The following C18orf54 variants were observed in gnomAD, a reference collection of about 807,000 sequenced individuals.
C18orf54 encodes the protein chromosome 18 open reading frame 54.
Under a neutral mutation model 49.3 loss-of-function variants are expected in C18orf54, and 49 were observed. That is an observed-to-expected ratio of 0.99 (90% CI 0.79 to 1.26). The LOEUF (loss-of-function observed/expected upper bound fraction) is 1.26. C18orf54 is among the 50% of genes most tolerant of loss of function. C18orf54 has a pLI of 0.00. For missense variants in C18orf54, 687 were observed against 620.6 expected (o/e 1.11, Z -1.14); for synonymous variants, 211 against 216.6 (o/e 0.97, Z 0.23).
chr18:54,368,868 A>C (rs2089435962), intron 6 of C18orf54, among the ~76,000 whole-genome samples: 1 of 152,154 alleles, frequency 6.6e-6, no homozygotes, highest in Non-Finnish European at 1.5e-5. Context: ...CAGATTCACT[A>C]ATTTATTTTA....
At position 54,362,002 on chromosome 18, in the gene C18orf54, T is replaced by C. The variant is rs1309506011; in HGVS notation, c.643T>C (p.Ser215Pro). ...TAGGACTAATAATTGCATTTCTGAA[T>C]CATCTTTGTCTTTTCCCAAGAAATC... The part of the protein sequence containing the change: ...MNRTNNCISE[S>P]SLSFPKKSSF... Residue 215 changes from serine to proline, a missense_variant, in exon 4 of 9, where the codon TCA (serine) becomes CCA (proline). By Grantham distance (74) the Ser-to-Pro change is moderately conservative. Coordinates refer to ENST00000620105, the MANE Select transcript of C18orf54 (RefSeq NM_001288980.2). 1 of 1,610,172 alleles carries C rather than the reference T, an allele frequency of 6.2e-7. No homozygotes were observed. The highest frequency in any genetic ancestry group is 8.5e-7 in the Non-Finnish European group (1 of 1,178,098).
intron 3 of C18orf54, 113 bp downstream of exon 3, chr18:54,360,968 C>A: frequency 2.0e-6 from 2 of 1,015,644 alleles, no homozygotes; most frequent in Admixed American, 4.8e-5. Context: ...GTAAAAATAA[C>A]ATAATATTGA....
Position 54,362,286 on chromosome 18 carries a change from T to G in C18orf54, c.927T>G (p.Phe309Leu). ...TSRLINKLDCFEYAFEPSNFS... is the reference protein window; with the variant it reads ...TSRLINKLDCLEYAFEPSNFS... The stretch of plus-strand genomic sequence containing the variant: ...GGCTTATCAATAAATTAGATTGTTT[T>G]GAATATGCTTTTGAACCCTCAAACT... Residue 309 changes from phenylalanine (F) to leucine (L), a missense_variant, in exon 4 of 9, where the codon TTT becomes TTG. Physicochemically the swap from Phe to Leu is conservative, Grantham distance 22 (BLOSUM62 0). Coordinates refer to ENST00000620105, the MANE Select transcript of C18orf54 (RefSeq NM_001288980.2). 6.5e-7 allele frequency: 1 copy of G among 1,536,370 alleles called. No individual in the cohort carries two copies. Among genetic ancestry groups the G allele is most frequent in the Non-Finnish European group, 8.7e-7 (1 of 1,146,930 alleles).
Position 54,360,869 on chromosome 18 carries a change from C to G in C18orf54, c.283+14C>G, listed in dbSNP as rs899524271. ...AACCAAACAATGGTATGCTTTTATT[C>G]TTTGTTTTCTTTGTGTTCAGATGTT... is the stretch of plus-strand genomic sequence containing the variant. On this transcript the variant is annotated intron_variant, in intron 3 of 8. Coordinates refer to ENST00000620105, the MANE Select transcript of C18orf54 (RefSeq NM_001288980.2). 3 of 1,594,042 alleles carry G rather than the reference C, an allele frequency of 1.9e-6. No individual in the cohort carries two copies. Among genetic ancestry groups the G allele is most frequent in the African/African-American group, 1.3e-5 (1 of 74,382 alleles).
chr18:54,365,738 A>C lies in C18orf54; in HGVS notation c.1243A>C (p.Asn415His). ...PVTFKSPVPV[N>H]SDDSPQQTSR... is the part of the protein sequence containing the mutation. ...GTTTAGCAAATCTCCTGTTCCCGTTAACTCTGATGATAGTCCTCAACAAAC... is the reference window on the plus strand; with the variant it reads ...GTTTAGCAAATCTCCTGTTCCCGTTCACTCTGATGATAGTCCTCAACAAAC... The change falls in exon 6 of 9, where the codon AAC (asparagine) becomes CAC (histidine). Residue 415 changes from asparagine (N) to histidine (H), a missense_variant. Physicochemically the swap from Asn to His is moderately conservative, Grantham distance 68. Transcript: ENST00000620105. The C allele has an allele frequency of 6.3e-7, 1 of 1,595,376 alleles. No homozygotes were observed. Among genetic ancestry groups the C allele is most frequent in the South Asian group, 1.1e-5 (1 of 87,980 alleles).
In C18orf54 at chr18:54,375,204, A is replaced by G. The variant is rs115368863; in HGVS notation, c.1529+920A>G. On this transcript the variant is annotated intron_variant, in intron 8 of 8. Coordinates refer to ENST00000620105, the MANE Select transcript of C18orf54 (RefSeq NM_001288980.2). ...TAGTAATAGCTAACATTGAATGTTT[A>G]CCAAATTTCAGTATTCTAAGTGCTA... is the stretch of plus-strand genomic sequence containing the variant. Among the ~76,000 whole-genome samples the G allele has an allele frequency of 6.8e-3, 1,034 of 152,018 alleles. 4 individuals are homozygous for G. Among genetic ancestry groups the G allele is most frequent in the African/African-American group, 0.024 (987 of 41,496 alleles).
At position 54,378,224 on chromosome 18, in the gene C18orf54, G is replaced by GAC; in HGVS notation, c.1581_1582insCA (p.Glu528GlnfsTer33). On this transcript the variant is annotated frameshift_variant, in exon 9 of 9. Transcript: ENST00000620105. LOFTEE classifies it high-confidence loss of function. ...AGAGACCTGGTTGATGATACGAATG[G>GAC]AGAACGGTCACCGAAAATGTGAAGA... 6.2e-7 allele frequency: 1 copy of GAC among 1,613,528 alleles called. No individual in the cohort carries two copies.
intron 3 of C18orf54, among the ~76,000 whole-genome samples, 162 bp downstream of exon 3, chr18:54,361,017 G>A (rs910092199): frequency 2.0e-5 from 3 of 152,160 alleles, no homozygotes; most frequent in African/African-American, 7.2e-5. Flanking sequence ...ATAATTCTCT[G>A]TGGAACAGTA....
Position 54,379,851 on chromosome 18 carries a change from G to C in C18orf54, c.*1605G>C, listed in dbSNP as rs1356758143. 6.6e-6 allele frequency: 1 copy of C among 151,862 alleles called. No individual in the cohort carries two copies. The highest frequency in any genetic ancestry group is 1.5e-5 in the Non-Finnish European group (1 of 67,870). The allele number at this position is 151,862 out of a possible 1,614,324, so 9.4% of individuals were successfully genotyped here. A position where few individuals can be genotyped will look rare whatever the true frequency, so the allele number is the denominator to read the frequency against. On this transcript the variant is annotated 3_prime_UTR_variant, in exon 9 of 9. Transcript: ENST00000620105. ...AACTTCTAATTGAATATTATATGTT[G>C]ATCATACATAATATATACTATGCCT...
At chr18:54,374,744 TA>T (rs2089542656) in intron 8 of C18orf54, among the ~76,000 whole-genome samples, 1 of 151,878 alleles carries the variant, frequency 6.6e-6, no homozygotes, top group Admixed American at 6.6e-5. Flanking sequence ...TCTTAAATAA[TA>T]AAATGGAGAA....
In C18orf54 at chr18:54,362,387, G is replaced by T; in HGVS notation, c.1028G>T (p.Cys343Phe). Residue 343 changes from cysteine (C) to phenylalanine (F), a missense_variant, in exon 4 of 9, where the codon TGT (cysteine) becomes TTT (phenylalanine). Transcript: ENST00000620105. ...GATTTTGAACATAGCCAGTGTCAAT[G>T]TGAGAATCCACTTCTCCCAGGACAA... Reference protein sequence around the residue: ...KCDFEHSQCQCENPLLPGQST... With the variant: ...KCDFEHSQCQFENPLLPGQST... The T allele has an allele frequency of 1.3e-6, 2 of 1,533,170 alleles. No homozygotes were observed. The highest frequency in any genetic ancestry group is 1.7e-6 in the Non-Finnish European group (2 of 1,145,074). The allele number at this position is 1,533,170 out of a possible 1,614,324, so 95.0% of individuals were successfully genotyped here.
chr18:54,363,697 T>G (rs1166459836), intron 5 of C18orf54, among the ~76,000 whole-genome samples: 1 of 152,196 alleles, frequency 6.6e-6, no homozygotes, highest in African/African-American at 2.4e-5. Flanking sequence ...CATTTTCTAT[T>G]ATCAGAAATG....
intron 6 of C18orf54, among the ~76,000 whole-genome samples, chr18:54,371,229 G>A (rs148151573): frequency 6.6e-6 from 1 of 152,040 alleles, no homozygotes; most frequent in African/African-American, 2.4e-5. Flanking sequence ...CCTCGTGTAA[G>A]AAGAATCATA....
chr18:54,370,595 A>G (rs1406220523), intron 6 of C18orf54, among the ~76,000 whole-genome samples: 2 of 152,228 alleles, frequency 1.3e-5, no homozygotes, highest in Non-Finnish European at 2.9e-5. Context: ...TCAAAGATAT[A>G]CAGAGATGTA....
At chr18:54,375,141 A>G (rs918541562) in intron 8 of C18orf54, among the ~76,000 whole-genome samples, 3 of 152,020 alleles carry the variant, frequency 2.0e-5, no homozygotes, top group Non-Finnish European at 4.4e-5. Flanking sequence ...GTACTGGGGT[A>G]TAATGTTTCA....
chr18:54,370,192 A>G (rs8088269), intron 6 of C18orf54, among the ~76,000 whole-genome samples: 112,456 of 150,888 alleles, frequency 0.75, 42,298 homozygotes, highest in African/African-American at 0.86. Context: ...CAGGAGAATG[A>G]TGTGAACCCA....
At position 54,372,956 on chromosome 18, in the gene C18orf54, A is replaced by G. The variant is rs185723181; in HGVS notation, c.1458+359A>G. ...TAGTTATATTCGAGGAGGCCTAGAA[A>G]ACTTTTTCAACATTAGATTCCTTCA... On this transcript the variant is annotated intron_variant, in intron 7 of 8. Coordinates refer to ENST00000620105, the MANE Select transcript of C18orf54 (RefSeq NM_001288980.2). Among the ~76,000 whole-genome samples, 173 of 152,030 alleles carry G rather than the reference A, an allele frequency of 1.1e-3. 4 individuals are homozygous for G. In the South Asian group the frequency reaches 0.03, roughly 27 times the overall value.
At position 54,380,020 on chromosome 18, in the gene C18orf54, T is replaced by C. The variant is rs940045863; in HGVS notation, c.*1774T>C. On this transcript the variant is annotated 3_prime_UTR_variant, in exon 9 of 9. Transcript: ENST00000620105. ...GATTATACTTACCAAAGGAACATTG[T>C]TTGTTTTCTCTTGTTTTAAATATGG... 1.3e-5 allele frequency: 2 copies of C among 151,402 alleles called. No homozygotes were observed. The highest frequency in any genetic ancestry group is 1.3e-4 in the Admixed American group (2 of 15,234). 9.4% of individuals were successfully genotyped at this position (151,402 alleles called of 1,614,324 possible).
chr18:54,359,134 A>G (rs1419757892), intron 2 of C18orf54, among the ~76,000 whole-genome samples: 1 of 152,244 alleles, frequency 6.6e-6, no homozygotes, highest in African/African-American at 2.4e-5. Context: ...TGAAATAACT[A>G]GTAAATGTTA....
Sources: gnomAD v4.1 joint callset for allele counts (sites outside exome capture counted in the v4.1 genomes callset) on GRCh38, gnomAD v4.1.1 for gene constraint, MANE v1.5 for transcripts, NCBI Gene and HGNC (gene_info 2026-07-23, HGNC 2026-07-21) for gene names.